Variants in EDNRA observed in about 807,000 individuals in gnomAD.
EDNRA encodes endothelin-1 receptor.
Under a neutral mutation model 41.4 loss-of-function variants are expected in EDNRA, and 11 were observed. The ratio of observed to expected loss-of-function variants is 0.27; its 90% CI spans 0.17 to 0.44. The LOEUF (loss-of-function observed/expected upper bound fraction) is 0.44, where lower values mean the gene tolerates loss of function less well. Ranked by LOEUF, EDNRA falls within the 20% of genes least tolerant of loss-of-function variation. The pLI is 1.00. For missense variants in EDNRA, 294 were observed against 531.0 expected, an observed-to-expected ratio of 0.55 and a Z score of 4.39; for synonymous variants, 172 against 183.0, an observed-to-expected ratio of 0.94 and a Z score of 0.49.
intron 2 of EDNRA, among the ~76,000 whole-genome samples, chr4:147,487,125 C>T (rs1186478444): frequency 1.3e-5 from 2 of 151,990 alleles, no homozygotes; most frequent in Admixed American, 6.6e-5. Flanking sequence ...CCAGATGTCT[C>T]GAGAATCACT....
At chr4:147,503,840 T>C (rs1281953893) in intron 2 of EDNRA, among the ~76,000 whole-genome samples, 2 of 152,114 alleles carry the variant, frequency 1.3e-5, no homozygotes, top group Non-Finnish European at 2.9e-5. Context: ...TATTGATGGA[T>C]ATTTATGATG....
chr4:147,532,342 A>C (rs1730779955), intron 3 of EDNRA, among the ~76,000 whole-genome samples, 164 bp from the exon 4 acceptor site: 1 of 150,788 alleles, frequency 6.6e-6, no homozygotes, highest in Admixed American at 6.6e-5. Context: ...AAAAAAAAAA[A>C]AAAAAAAACC....
At chr4:147,493,462 T>C (rs1487539871) in intron 2 of EDNRA, 1 of 151,984 alleles carries the variant, frequency 6.6e-6, no homozygotes, top group Non-Finnish European at 1.5e-5. Context: ...TCAAGTGTGT[T>C]GTCGCTGAAG....
At chr4:147,501,178 C>T (rs1181030443) in intron 2 of EDNRA, among the ~76,000 whole-genome samples, 1 of 152,152 alleles carries the variant, frequency 6.6e-6, no homozygotes, top group Non-Finnish European at 1.5e-5. Context: ...TTTTTCTTAG[C>T]CAGAAATTTT....
intron 2 of EDNRA, among the ~76,000 whole-genome samples, chr4:147,500,087 G>A (rs562636891): frequency 1.3e-5 from 2 of 152,030 alleles, no homozygotes; most frequent in Non-Finnish European, 2.9e-5. Context: ...TTACGAGTGT[G>A]AGCCACCACA....
intron 2 of EDNRA, chr4:147,493,073 T>C (rs2126388892): frequency 6.6e-6 from 1 of 152,196 alleles, no homozygotes; most frequent in South Asian, 2.1e-4. Context: ...GAGGGAGAGA[T>C]GGTTTCAGTC....
chr4:147,500,633 C>T (rs1055693502), intron 2 of EDNRA, among the ~76,000 whole-genome samples: 5 of 151,888 alleles, frequency 3.3e-5, no homozygotes, highest in African/African-American at 1.2e-4. Flanking sequence ...GGGAGAATCA[C>T]TTGAGCCCAG....
At chr4:147,481,587 C>T (rs1560888449) in intron 1 of EDNRA, among the ~76,000 whole-genome samples, 2 of 152,358 alleles carry the variant, frequency 1.3e-5, no homozygotes, top group East Asian at 1.9e-4. Context: ...GAGGGGTGCG[C>T]TGCGGACACG....
At chr4:147,517,449 G>C (rs1433835382) in intron 2 of EDNRA, among the ~76,000 whole-genome samples, 3 of 152,188 alleles carry the variant, frequency 2.0e-5, no homozygotes, top group Admixed American at 2.0e-4. Context: ...TGGAACCAGA[G>C]AGGAAAAGGA....
rs1459246427 is a variant in EDNRA at position 147,541,062 on chromosome 4, A to G, written c.1143+577A>G. 8.9e-5 allele frequency among the ~76,000 whole-genome samples: 10 copies of G among 111,744 alleles called. No homozygotes were observed. The East Asian group carries it at 1.3e-3, about 14-fold the overall frequency. 73.3% of individuals were successfully genotyped at this position (111,744 alleles called of 152,430 possible). On this transcript the variant is annotated intron_variant, in intron 7 of 7. Transcript: ENST00000651419. ...CAGCCTGGGCGACAGAGCCAGACTC[A>G]GTCTCAAAAAAAAAAAAAAAAAAAA...
chr4:147,542,640 G>C lies in EDNRA; in HGVS notation c.*22G>C. ...CTGACCACCCTTAGAAGCACTCCTCGGTACTCCCATAATCCTCTCGGAGAA... is the reference window on the plus strand; with the variant it reads ...CTGACCACCCTTAGAAGCACTCCTCCGTACTCCCATAATCCTCTCGGAGAA... On this transcript the variant is annotated 3_prime_UTR_variant, in exon 8 of 8. Transcript: ENST00000651419. 1 of 1,612,168 alleles carries C rather than the reference G, an allele frequency of 6.2e-7. No homozygotes were observed. The highest frequency in any genetic ancestry group is 8.5e-7 in the Non-Finnish European group (1 of 1,179,308).
intron 2 of EDNRA, among the ~76,000 whole-genome samples, chr4:147,496,619 G>A (rs1286098686): frequency 2.0e-5 from 3 of 152,128 alleles, no homozygotes; most frequent in Non-Finnish European, 4.4e-5. Context: ...TCACTTTCCT[G>A]ACTTCTAACA....
At chr4:147,506,612 C>A in intron 2 of EDNRA, 1 of 300,770 alleles carries the variant, frequency 3.3e-6, no homozygotes, top group South Asian at 4.2e-5. Flanking sequence ...TCAATATTAT[C>A]ATCTTAAGGA....
chr4:147,481,250 A>C lies in EDNRA; in HGVS notation c.-197A>C, dbSNP rs13306318. On this transcript the variant is annotated 5_prime_UTR_variant, in exon 1 of 8. Transcript: ENST00000651419. ...GAAGCCGGGGAAGCTGTGCAGCCGA[A>C]GCCGCCGCCGCGCCGGAGCCCGGGA... The C allele has an allele frequency of 2.9e-4, 45 of 153,212 alleles. No homozygotes were observed. In the East Asian group the frequency reaches 8.3e-3, roughly 28 times the overall value. The allele number at this position is 153,212 out of a possible 1,614,324, so 9.5% of individuals were successfully genotyped here. A position where few individuals can be genotyped will look rare whatever the true frequency, so the allele number is the denominator to read the frequency against.
intron 2 of EDNRA, among the ~76,000 whole-genome samples, chr4:147,516,154 G>T (rs1223621448): frequency 6.6e-6 from 1 of 152,190 alleles, no homozygotes; most frequent in Non-Finnish European, 1.5e-5. Flanking sequence ...TCTGTGATCT[G>T]CTTGAGAAGA....
intron 2 of EDNRA, chr4:147,489,066 GAATA>G (rs1729043858): frequency 6.6e-6 from 1 of 152,168 alleles, no homozygotes; most frequent in Admixed American, 6.5e-5. Flanking sequence ...GTTGAAAGAA[GAATA>G]AATAGTTGAA....
At chr4:147,518,253 C>T (rs1730184930) in intron 2 of EDNRA, among the ~76,000 whole-genome samples, 2 of 152,006 alleles carry the variant, frequency 1.3e-5, no homozygotes, top group African/African-American at 4.8e-5. Context: ...TTACTTGCAC[C>T]AAGCATTAAT....
intron 2 of EDNRA, among the ~76,000 whole-genome samples, chr4:147,502,723 T>A (rs1218859151): frequency 6.6e-6 from 1 of 152,252 alleles, no homozygotes; most frequent in Non-Finnish European, 1.5e-5. Context: ...AGTTGAGGAC[T>A]GAGACAGACG....
At chr4:147,489,927 G>A (rs374965308) in intron 2 of EDNRA, 1 of 151,972 alleles carries the variant, frequency 6.6e-6, no homozygotes, top group African/African-American at 2.4e-5. Flanking sequence ...CAAAATGCAT[G>A]GCTCAGCTCT....
Sources: allele counts gnomAD v4.1 joint callset (sites outside exome capture counted in the v4.1 genomes callset), GRCh38; gene constraint gnomAD v4.1.1; transcripts MANE v1.5; gene names NCBI Gene and HGNC (gene_info 2026-07-23, HGNC 2026-07-21).